Variants in SBNO1 observed in about 807,000 individuals in gnomAD.
SBNO1 encodes the protein protein strawberry notch homolog 1.
SBNO1 carries 23 observed loss-of-function variants against 173.6 expected under a neutral mutation model. The ratio of observed to expected loss-of-function variants is 0.13; its 90% confidence interval spans 0.10 to 0.19. SBNO1 has a LOEUF of 0.19. Ranked by LOEUF, SBNO1 falls within the 10% of genes least tolerant of loss-of-function variation. The probability of loss-of-function intolerance (pLI) is 1.00; values close to 1 mark genes in which losing one functional copy is unlikely to be tolerated. For missense variants in SBNO1, 1,238 were observed against 1,671.2 expected, an observed-to-expected ratio of 0.74 and a Z score of 4.52; for synonymous variants, 632 against 571.5, an observed-to-expected ratio of 1.11 and a Z score of -1.51.
chr12:123,331,475 G>C, intron 7 of SBNO1, 100 bp from the exon 8 acceptor site: 1 of 820,136 alleles, frequency 1.2e-6, no homozygotes, highest in African/African-American at 1.8e-5. Context: ...TATGTTTTTT[G>C]TTTTGTATAT....
At chr12:123,362,543 A>G (rs1187876141) in intron 1 of SBNO1, among the ~76,000 whole-genome samples, 3 of 148,742 alleles carry the variant, frequency 2.0e-5, no homozygotes, top group Non-Finnish European at 4.4e-5. Context: ...AGGTGAGTGG[A>G]TCACTTGAGG....
intron 8 of SBNO1, 55 bp downstream of exon 8, chr12:123,331,187 C>A: frequency 6.3e-7 from 1 of 1,580,572 alleles, no homozygotes; most frequent in Non-Finnish European, 8.7e-7. Flanking sequence ...TGGTCTCGAT[C>A]TCCTAACCTC....
intron 16 of SBNO1, 36 bp downstream of exon 16, chr12:123,323,644 G>A (rs752580939): frequency 9.8e-6 from 15 of 1,534,108 alleles, no homozygotes; most frequent in African/African-American, 2.8e-5. Context: ...GTGAGCCACC[G>A]CACCTGGCCT....
At chr12:123,311,551 C>T (rs753206798) in intron 24 of SBNO1, among the ~76,000 whole-genome samples, 3 of 151,786 alleles carry the variant, frequency 2.0e-5, no homozygotes, top group African/African-American at 4.8e-5. Context: ...GTCGGGGTTT[C>T]GCCATGTTGG....
In SBNO1 at chr12:123,293,687, G is replaced by A. The variant is rs2048543595; in HGVS notation, c.*2221C>T. On this transcript the variant is annotated 3_prime_UTR_variant, in exon 32 of 32. Transcript: ENST00000602398. The stretch of plus-strand genomic sequence containing the variant: ...TATTTATCAAGATGGCTAGTCCAGA[G>A]CAAACATTACATCATAGGCCATGGG... 1 of 152,158 alleles carries A rather than the reference G, an allele frequency of 6.6e-6. No individual in the cohort carries two copies. Among genetic ancestry groups the A allele is most frequent in the Non-Finnish European group, 1.5e-5 (1 of 68,040 alleles). 9.4% of individuals were successfully genotyped at this position (152,158 alleles called of 1,614,324 possible). A position where few individuals can be genotyped will look rare whatever the true frequency, so the allele number is the denominator to read the frequency against.
intron 28 of SBNO1, among the ~76,000 whole-genome samples, chr12:123,307,131 G>C (rs967874552): frequency 6.6e-6 from 1 of 151,342 alleles, no homozygotes; most frequent in South Asian, 2.1e-4. Flanking sequence ...TGAAGCTGCA[G>C]TGAGCCATGA....
chr12:123,297,860 AC>A, intron 31 of SBNO1, 117 bp downstream of exon 31: 3 of 862,484 alleles, frequency 3.5e-6, no homozygotes, highest in Non-Finnish European at 3.7e-6. Flanking sequence ...CGGGTCCCAT[AC>A]CCACTACTGG....
intron 31 of SBNO1, among the ~76,000 whole-genome samples, chr12:123,296,623 CA>C (rs1380982633): frequency 6.6e-6 from 1 of 151,028 alleles, no homozygotes; most frequent in Non-Finnish European, 1.5e-5. Flanking sequence ...TGCAGTGGCA[CA>C]ATCTTGGCTC....
intron 21 of SBNO1, among the ~76,000 whole-genome samples, chr12:123,316,385 C>T (rs548009045): frequency 5.3e-5 from 8 of 152,112 alleles, no homozygotes; most frequent in Admixed American, 1.3e-4. Context: ...CCACCACGCC[C>T]GGCTAATTTT....
intron 7 of SBNO1, among the ~76,000 whole-genome samples, chr12:123,332,094 C>T (rs1409429632): frequency 6.6e-6 from 1 of 152,016 alleles, no homozygotes. Flanking sequence ...CATGATGCAC[C>T]CGCCTTGGCC....
At chr12:123,351,968 T>C (rs775378435) in intron 1 of SBNO1, among the ~76,000 whole-genome samples, 14 of 151,894 alleles carry the variant, frequency 9.2e-5, no homozygotes, top group Non-Finnish European at 1.6e-4. Flanking sequence ...TCTATGGAGT[T>C]TGCCGGGGTG....
chr12:123,355,899 G>C (rs1197704093), intron 1 of SBNO1, among the ~76,000 whole-genome samples: 2 of 152,132 alleles, frequency 1.3e-5, no homozygotes, highest in African/African-American at 4.8e-5. Context: ...GAAAAACTAA[G>C]AGCTAGTTTT....
Position 123,298,015 on chromosome 12 carries a change from G to T in SBNO1, c.4002C>A (p.Ile1334=), listed in dbSNP as rs184825873. Residue 1334 remains isoleucine, a synonymous_variant, in exon 31 of 32, where the codon ATC becomes ATA. Transcript: ENST00000602398. Reference sequence around the variant, plus strand: ...GCCCATCTTCCGTTCTTAGCCGCACGATCTGCATCTTCACGTTTGTGCCAC... The same window carrying T: ...GCCCATCTTCCGTTCTTAGCCGCACTATCTGCATCTTCACGTTTGTGCCAC... ...SVSGTNVKMQ[I]VRLRTEDGQR... The T allele has an allele frequency of 8.4e-5, 136 of 1,614,008 alleles. No homozygotes were observed. In the East Asian group the frequency reaches 2.3e-3, roughly 27 times the overall value.
rs1339046082 is a variant in SBNO1, at chr12:123,291,632, T to C, written c.*4276A>G. 1 of 118,776 alleles carries C rather than the reference T, an allele frequency of 8.4e-6. No individual in the cohort carries two copies. Among genetic ancestry groups the C allele is most frequent in the Non-Finnish European group, 1.8e-5 (1 of 56,092 alleles). The allele number at this position is 118,776 out of a possible 1,614,324, so 7.4% of individuals were successfully genotyped here. Reference sequence around the variant, plus strand: ...AAAGATGCAAAACTGAATTCTAAAATACAGGAACAAATACTTTTCTAAATG... The same window carrying C: ...AAAGATGCAAAACTGAATTCTAAAACACAGGAACAAATACTTTTCTAAATG... On this transcript the variant is annotated 3_prime_UTR_variant, in exon 32 of 32. Transcript: ENST00000602398.
chr12:123,300,743 CA>C (rs1352712695), intron 30 of SBNO1, among the ~76,000 whole-genome samples: 1 of 151,914 alleles, frequency 6.6e-6, no homozygotes, highest in Admixed American at 6.6e-5. Flanking sequence ...GGGCAGATCA[CA>C]AAGTCAGGAG....
chr12:123,328,526 T>G (rs1593370976), intron 10 of SBNO1, among the ~76,000 whole-genome samples: 1 of 152,276 alleles, frequency 6.6e-6, no homozygotes, highest in Middle Eastern at 3.4e-3. Context: ...TCTATTAACA[T>G]TTTTCTAAAC....
At chr12:123,299,260 C>T (rs1012475621) in intron 30 of SBNO1, among the ~76,000 whole-genome samples, 6 of 151,728 alleles carry the variant, frequency 4.0e-5, no homozygotes, top group Admixed American at 1.3e-4. Context: ...CCCAGCTACT[C>T]GGGAAGCTGA....
intron 5 of SBNO1, among the ~76,000 whole-genome samples, chr12:123,339,059 G>A (rs1268939465): frequency 6.6e-6 from 1 of 152,036 alleles, no homozygotes; most frequent in African/African-American, 2.4e-5. Context: ...AACATTTCTT[G>A]AAGAAATATG....
intron 1 of SBNO1, among the ~76,000 whole-genome samples, chr12:123,354,524 C>T (rs1259216786): frequency 6.6e-6 from 1 of 152,000 alleles, no homozygotes; most frequent in East Asian, 1.9e-4. Flanking sequence ...AACATCTATC[C>T]CATTCTCTAA....
Sources: allele counts gnomAD v4.1 joint callset (sites outside exome capture counted in the v4.1 genomes callset), GRCh38; gene constraint gnomAD v4.1.1; transcripts MANE v1.5; gene names NCBI Gene and HGNC (gene_info 2026-07-23, HGNC 2026-07-21).